Variants in RFX3 observed in about 807,000 individuals in gnomAD.
RFX3 encodes the protein regulatory factor X3, also known as transcription factor RFX3.
RFX3 carries 14 observed loss-of-function variants against 98.6 expected under a neutral mutation model. That is an observed-to-expected ratio of 0.14 (90% confidence interval 0.09 to 0.22). RFX3 has a LOEUF of 0.22. Among genes scored for constraint, RFX3 ranks in the 10% least tolerant of loss-of-function variants. The pLI is 1.00. For missense variants in RFX3, 639 were observed against 926.9 expected (o/e 0.69, Z 4.03); for synonymous variants, 383 against 328.4 (o/e 1.17, Z -1.80).
intron 4 of RFX3, among the ~76,000 whole-genome samples, chr9:3,304,413 A>G (rs1829032445): frequency 6.6e-6 from 1 of 152,062 alleles, no homozygotes; most frequent in South Asian, 2.1e-4. Context: ...TCATAATCCA[A>G]TAGACATTAC....
At chr9:3,495,240 G>A (rs75273646) in intron 1 of RFX3, among the ~76,000 whole-genome samples, 3,946 of 151,902 alleles carry the variant, frequency 0.026, 124 homozygotes, top group African/African-American at 0.072. Context: ...TATGTAGCAA[G>A]AAAATTTATG....
intron 1 of RFX3, among the ~76,000 whole-genome samples, chr9:3,412,184 T>C (rs1308335499): frequency 6.6e-6 from 1 of 152,144 alleles, no homozygotes; most frequent in Non-Finnish European, 1.5e-5. Flanking sequence ...TACTTCATAA[T>C]AAGACCACTA....
chr9:3,505,241 T>A (rs1043951237), intron 1 of RFX3, among the ~76,000 whole-genome samples: 95 of 97,520 alleles, frequency 9.7e-4, no homozygotes, highest in Non-Finnish European at 1.4e-3. Context: ...AATATATATT[T>A]ATATATATAT....
intron 4 of RFX3, among the ~76,000 whole-genome samples, chr9:3,315,799 C>A (rs1353730637): frequency 6.6e-6 from 1 of 152,176 alleles, no homozygotes; most frequent in Non-Finnish European, 1.5e-5. Context: ...TTCCTGGACA[C>A]ATACACCCTC....
intron 1 of RFX3, among the ~76,000 whole-genome samples, chr9:3,408,882 T>A (rs546583714): frequency 1.3e-5 from 2 of 152,206 alleles, no homozygotes; most frequent in Non-Finnish European, 2.9e-5. Context: ...ACGATAAAAC[T>A]AGGTCTACTT....
rs568506291 is a variant in RFX3, at chr9:3,362,109, G to C, written c.118-15345C>G. Among the ~76,000 whole-genome samples, 30 of 152,268 alleles carry C rather than the reference G, an allele frequency of 2.0e-4. No individual in the cohort carries two copies. The South Asian group carries it at 5.8e-3, about 30-fold the overall frequency. ...GAGAACAAAAAGCATGGTTAAGGGGGTTGGAAAAAATATTACTTAAATTCT... is the reference window on the plus strand; with the variant it reads ...GAGAACAAAAAGCATGGTTAAGGGGCTTGGAAAAAATATTACTTAAATTCT... On this transcript the variant is annotated intron_variant, in intron 2 of 16. Transcript: ENST00000617270.
At chr9:3,488,050 C>A (rs1158534784) in intron 1 of RFX3, among the ~76,000 whole-genome samples, 1 of 152,060 alleles carries the variant, frequency 6.6e-6, no homozygotes. Flanking sequence ...ATAGGCTAGG[C>A]AATATTTTAA....
intron 3 of RFX3, chr9:3,344,755 G>T (rs1834261881): frequency 1.5e-6 from 1 of 672,658 alleles, no homozygotes; most frequent in Non-Finnish European, 2.7e-6. Context: ...TGTCTACAAA[G>T]CCATTTATTT....
chr9:3,263,043 G>A lies in RFX3; in HGVS notation c.1497C>T (p.Tyr499=), dbSNP rs752061809. The change falls in exon 13 of 17, where the codon TAC becomes TAT. Residue 499 remains tyrosine, a synonymous_variant. Coordinates refer to ENST00000617270, the MANE Select transcript of RFX3 (RefSeq NM_001282116.2). Reference sequence around the variant, plus strand: ...CCTGGGCCAGGTGATTAAGCGACGTGTATCTTCGCAGAGTCTGGGCAAAGG... The same window carrying A: ...CCTGGGCCAGGTGATTAAGCGACGTATATCTTCGCAGAGTCTGGGCAAAGG... ...VSAFAQTLRR[Y]TSLNHLAQAA... The A allele has an allele frequency of 4.3e-6, 7 of 1,613,802 alleles. No homozygotes were observed. The South Asian group carries it at 7.7e-5, about 18-fold the overall frequency.
intron 1 of RFX3, among the ~76,000 whole-genome samples, chr9:3,438,264 T>C (rs866192299): frequency 1.6e-4 from 24 of 152,142 alleles, no homozygotes; most frequent in African/African-American, 5.8e-4. Flanking sequence ...GCAGTGTTTT[T>C]TAGAACTGAC....
intron 7 of RFX3, among the ~76,000 whole-genome samples, chr9:3,286,363 C>A (rs1826598549): frequency 6.6e-6 from 1 of 151,620 alleles, no homozygotes; most frequent in Non-Finnish European, 1.5e-5. Context: ...CAGAGCCCTT[C>A]TTATTTTTCA....
intron 1 of RFX3, among the ~76,000 whole-genome samples, 194 bp downstream of exon 1, chr9:3,525,553 C>T (rs1022649041): frequency 6.6e-6 from 1 of 151,930 alleles, no homozygotes; most frequent in Non-Finnish European, 1.5e-5. Flanking sequence ...CCGCGGCGCG[C>T]AGGGTCCATT....
At chr9:3,276,161 G>C (rs1825182696) in intron 8 of RFX3, among the ~76,000 whole-genome samples, 1 of 152,072 alleles carries the variant, frequency 6.6e-6, no homozygotes, top group Admixed American at 6.6e-5. Flanking sequence ...AGTATTGACT[G>C]CCGCAGCACA....
intron 5 of RFX3, among the ~76,000 whole-genome samples, chr9:3,296,566 T>C (rs1294445397): frequency 1.3e-5 from 2 of 152,026 alleles, no homozygotes; most frequent in Non-Finnish European, 2.9e-5. Flanking sequence ...TACATATATA[T>C]TTATATAAAT....
chr9:3,289,760 G>A (rs1280247268), intron 6 of RFX3, among the ~76,000 whole-genome samples: 1 of 151,988 alleles, frequency 6.6e-6, no homozygotes, highest in Middle Eastern at 3.2e-3. Flanking sequence ...AATTTAACTT[G>A]GAGATGGGAT....
chr9:3,470,220 A>C (rs1848654114), intron 1 of RFX3, among the ~76,000 whole-genome samples: 1 of 152,260 alleles, frequency 6.6e-6, no homozygotes, highest in Non-Finnish European at 1.5e-5. Context: ...CAAAATACTA[A>C]GTAAATATTT....
chr9:3,223,784 T>C lies in RFX3; in HGVS notation c.*1258A>G, dbSNP rs556839725. 6.6e-6 allele frequency: 1 copy of C among 152,192 alleles called. No individual in the cohort carries two copies. Among genetic ancestry groups the C allele is most frequent in the African/African-American group, 2.4e-5 (1 of 41,448 alleles). 9.4% of individuals were successfully genotyped at this position (152,192 alleles called of 1,614,324 possible). A position where few individuals can be genotyped will look rare whatever the true frequency, so the allele number is the denominator to read the frequency against. On this transcript the variant is annotated 3_prime_UTR_variant, in exon 17 of 17. Coordinates refer to ENST00000617270, the MANE Select transcript of RFX3 (RefSeq NM_001282116.2). The stretch of plus-strand genomic sequence containing the variant: ...TTAGTCACATGAACAAAATAAACCT[T>C]ACTAAACCTTAGCTTCAGTTCTGTT...
Position 3,436,564 on chromosome 9 carries a change from C to T in RFX3, c.-8-40968G>A, listed in dbSNP as rs114810835. ...TACTTCAGTAATTCCTCCAGCAAAA[C>T]ATTTGTCATCAATGGACACTTAGTT... On this transcript the variant is annotated intron_variant, in intron 1 of 16. Coordinates refer to ENST00000617270, the MANE Select transcript of RFX3 (RefSeq NM_001282116.2). Among the ~76,000 whole-genome samples the T allele has an allele frequency of 4.5e-3, 684 of 152,146 alleles. 4 individuals carry two copies. The highest frequency in any genetic ancestry group is 0.016 in the African/African-American group (657 of 41,544).
intron 1 of RFX3, among the ~76,000 whole-genome samples, chr9:3,491,520 T>C (rs1211537219): frequency 1.3e-5 from 2 of 152,146 alleles, no homozygotes; most frequent in African/African-American, 2.4e-5. Context: ...CCCTACTCCA[T>C]TACTTCTAAT....
Sources: allele counts gnomAD v4.1 joint callset (sites outside exome capture counted in the v4.1 genomes callset), GRCh38; gene constraint gnomAD v4.1.1; transcripts MANE v1.5; gene names NCBI Gene and HGNC (gene_info 2026-07-23, HGNC 2026-07-21).